AOPEP: variants seen among roughly 807,000 people sequenced by gnomAD.
AOPEP encodes the protein aminopeptidase O (putative), also known as aminopeptidase O.
AOPEP carries 77 observed loss-of-function variants against 98.1 expected under a neutral mutation model. The observed-to-expected ratio is 0.78, with a 90% CI of 0.65 to 0.95. AOPEP has a LOEUF of 0.95. AOPEP is among the 40% of genes least tolerant of loss of function. AOPEP has a pLI of 0.00. For missense variants in AOPEP, 1,024 were observed against 1,024.7 expected (o/e 1.00, Z 0.01); for synonymous variants, 346 against 365.3 (o/e 0.95, Z 0.60).
chr9:95,011,375 T>A (rs1029823592), intron 13 of AOPEP, among the ~76,000 whole-genome samples: 1 of 152,142 alleles, frequency 6.6e-6, no homozygotes, highest in African/African-American at 2.4e-5. Flanking sequence ...GCTAATTTTT[T>A]TTGTTTTTAG....
At chr9:95,023,270 C>G (rs2063599353) in intron 13 of AOPEP, among the ~76,000 whole-genome samples, 1 of 152,114 alleles carries the variant, frequency 6.6e-6, no homozygotes, top group African/African-American at 2.4e-5. Context: ...TAGGAGAGAC[C>G]AGGAAGTGTA....
At chr9:94,753,932 G>T (rs1836419075) in intron 1 of AOPEP, among the ~76,000 whole-genome samples, 1 of 152,198 alleles carries the variant, frequency 6.6e-6, no homozygotes, top group African/African-American at 2.4e-5. Context: ...ATGTGCGTAA[G>T]GAGGCTCATT....
At chr9:95,066,169 A>C (rs2067863061) in intron 14 of AOPEP, among the ~76,000 whole-genome samples, 1 of 152,208 alleles carries the variant, frequency 6.6e-6, no homozygotes, top group African/African-American at 2.4e-5. Flanking sequence ...GAAACATTTA[A>C]TCGATGTTTC....
intron 11 of AOPEP, among the ~76,000 whole-genome samples, chr9:94,981,008 T>A (rs1278887480): frequency 6.6e-6 from 1 of 152,122 alleles, no homozygotes; most frequent in African/African-American, 2.4e-5. Flanking sequence ...AGCTGGGAGC[T>A]CCAGTAACTG....
At chr9:95,106,338 A>T in the AOPEP span, among the ~76,000 whole-genome samples, 1 of 152,104 alleles carries the variant, frequency 6.6e-6, no homozygotes, top group Non-Finnish European at 1.5e-5. Context: ...GAGTTATAAG[A>T]ATTCCTTATG....
At chr9:95,137,983 G>A in the AOPEP span, among the ~76,000 whole-genome samples, 24 of 152,264 alleles carry the variant, frequency 1.6e-4, no homozygotes, top group Admixed American at 7.8e-4. Flanking sequence ...CCCAGGCGGC[G>A]GCCCAGAGGT....
At chr9:94,888,645 A>G (rs72748555) in intron 5 of AOPEP, among the ~76,000 whole-genome samples, 4,385 of 152,186 alleles carry the variant, frequency 0.029, 168 homozygotes, top group African/African-American at 0.084. Flanking sequence ...TTAATAAGTC[A>G]AAGAAAGTTT....
intron 1 of AOPEP, among the ~76,000 whole-genome samples, chr9:94,736,395 A>G (rs770048377): frequency 5.9e-5 from 9 of 152,206 alleles, no homozygotes; most frequent in Non-Finnish European, 7.3e-5. Context: ...TAAAAATAGT[A>G]TTCTTTAGCA....
downstream of AOPEP, among the ~76,000 whole-genome samples, chr9:95,090,198 T>C (rs1205476560): frequency 6.6e-6 from 1 of 152,092 alleles, no homozygotes; most frequent in Non-Finnish European, 1.5e-5. Context: ...GTCCCCTGAG[T>C]GGTAGGTACG....
At chr9:95,123,687 C>A in the AOPEP span, 1 of 668,592 alleles carries the variant, frequency 1.5e-6, no homozygotes. Flanking sequence ...ATTTCTGAAG[C>A]GAGCGTCTTT....
chr9:95,005,131 A>T (rs2061888015), intron 11 of AOPEP, 27 bp from the exon 12 acceptor site: 3 of 1,118,906 alleles, frequency 2.7e-6, no homozygotes, highest in Non-Finnish European at 3.3e-6. Context: ...CCCGCGGTAA[A>T]CTTGACTGTG....
At chr9:94,932,141 TAAA>T in intron 7 of AOPEP, 1 of 1,006,520 alleles carries the variant, frequency 9.9e-7, no homozygotes, top group Non-Finnish European at 1.2e-6. Context: ...TTAAAACAAA[TAAA>T]AAAACAAACA....
At chr9:95,109,465 T>A in the AOPEP span, 1 of 152,162 alleles carries the variant, frequency 6.6e-6, no homozygotes, top group African/African-American at 2.4e-5. Context: ...TTCCTTTTTT[T>A]CTCTAGGCAT....
intron 7 of AOPEP, chr9:94,931,801 A>T: frequency 6.5e-7 from 1 of 1,547,468 alleles, no homozygotes; most frequent in Non-Finnish European, 8.7e-7. Flanking sequence ...TGTCCTAAAA[A>T]CGCTTTCTTC....
chr9:95,083,535 G>A (rs950925711), intron 16 of AOPEP, among the ~76,000 whole-genome samples: 1 of 140,984 alleles, frequency 7.1e-6, no homozygotes, highest in Admixed American at 7.2e-5. Context: ...CACACACCAC[G>A]CAGAGTACAC....
At chr9:94,849,426 C>T (rs1028543242) in intron 5 of AOPEP, among the ~76,000 whole-genome samples, 3 of 151,446 alleles carry the variant, frequency 2.0e-5, no homozygotes, top group African/African-American at 7.3e-5. Context: ...TTCCAGGGAG[C>T]AGTAGATTTT....
intron 11 of AOPEP, chr9:95,004,027 G>A: frequency 3.1e-6 from 1 of 323,492 alleles, no homozygotes; most frequent in Non-Finnish European, 6.1e-6. Flanking sequence ...TTAAAGTAGT[G>A]AGTTTGATCT....
chr9:94,820,846 T>C (rs1017279626), intron 5 of AOPEP, among the ~76,000 whole-genome samples: 2 of 152,184 alleles, frequency 1.3e-5, no homozygotes, highest in African/African-American at 2.4e-5. Flanking sequence ...ATAGCAGGGA[T>C]GGAGATAAGA....
At chr9:95,110,743 A>T in the AOPEP span, 1 of 1,097,386 alleles carries the variant, frequency 9.1e-7, no homozygotes, top group Non-Finnish European at 1.1e-6. Flanking sequence ...ATCAGCATAG[A>T]GCACTGGCAG....
Sources: gnomAD v4.1 joint callset for allele counts (sites outside exome capture counted in the v4.1 genomes callset) on GRCh38, gnomAD v4.1.1 for gene constraint, MANE v1.5 for transcripts, NCBI Gene and HGNC (gene_info 2026-07-23, HGNC 2026-07-21) for gene names.